ZNF595: variants seen among roughly 807,000 people sequenced by gnomAD.
The protein encoded by ZNF595 is zinc finger protein 595.
A neutral mutation model predicts 19.4 loss-of-function variants in ZNF595; 9 were observed. That is an observed-to-expected ratio of 0.46 (90% CI 0.28 to 0.81). The LOEUF (loss-of-function observed/expected upper bound fraction) is 0.81. ZNF595 is among the 30% of genes least tolerant of loss of function. The pLI is 0.11. For missense variants in ZNF595, 729 were observed against 736.0 expected (o/e 0.99, Z 0.11); for synonymous variants, 255 against 255.9 (o/e 1.00, Z 0.03).
intron 3 of ZNF595, among the ~76,000 whole-genome samples, chr4:70,458 C>G (rs1183399446): frequency 3.9e-5 from 6 of 151,994 alleles, no homozygotes; most frequent in Non-Finnish European, 7.4e-5. Flanking sequence ...CCACCTCAGC[C>G]TCTGGAGTAG....
intron 3 of ZNF595, among the ~76,000 whole-genome samples, chr4:79,265 C>G (rs1297645956): frequency 6.6e-6 from 1 of 152,080 alleles, no homozygotes; most frequent in Non-Finnish European, 1.5e-5. Context: ...TAAGATGTGT[C>G]AGAATATCCT....
At chr4:78,070 G>A (rs1391575021) in intron 3 of ZNF595, among the ~76,000 whole-genome samples, 4 of 152,106 alleles carry the variant, frequency 2.6e-5, no homozygotes, top group Non-Finnish European at 2.9e-5. Context: ...GTGCAGTGGC[G>A]CGATCTCGGC....
chr4:68,899 C>T lies in ZNF595; in HGVS notation c.226+8746C>T, dbSNP rs1177259329. 2.6e-5 allele frequency among the ~76,000 whole-genome samples: 4 copies of T among 152,184 alleles called. No homozygotes were observed. The East Asian group carries it at 7.7e-4, about 29-fold the overall frequency. Reference sequence around the variant, plus strand: ...TTAACCTTCCCCACTTCCCCTGAACCCCTCACTATACTTTCCAGCCTCTGA... The same window carrying T: ...TTAACCTTCCCCACTTCCCCTGAACTCCTCACTATACTTTCCAGCCTCTGA... On this transcript the variant is annotated intron_variant, in intron 3 of 3. Transcript: ENST00000610261.
chr4:77,901 A>G (rs1713739961), intron 3 of ZNF595, among the ~76,000 whole-genome samples: 1 of 152,158 alleles, frequency 6.6e-6, no homozygotes, highest in Non-Finnish European at 1.5e-5. Flanking sequence ...ACAGGCTCCT[A>G]GATGAGCAGT....
intron 3 of ZNF595, among the ~76,000 whole-genome samples, chr4:76,648 C>A (rs928144902): frequency 6.6e-6 from 1 of 152,096 alleles, no homozygotes; most frequent in Non-Finnish European, 1.5e-5. Flanking sequence ...ATTTCCTCAA[C>A]TTGTTTAATC....
At chr4:80,116 A>C (rs975183353) in intron 3 of ZNF595, among the ~76,000 whole-genome samples, 19 of 152,198 alleles carry the variant, frequency 1.2e-4, no homozygotes, top group Admixed American at 3.9e-4. Context: ...TCCGCCTCCC[A>C]GGTTCAAGCA....
At chr4:69,830 C>G (rs1485509359) in intron 3 of ZNF595, among the ~76,000 whole-genome samples, 1 of 152,122 alleles carries the variant, frequency 6.6e-6, no homozygotes, top group Non-Finnish European at 1.5e-5. Flanking sequence ...GGGTATTATT[C>G]AAGACATTTT....
rs566777147 is a variant in ZNF595, at chr4:86,527, A to G, written c.1023A>G (p.Thr341=). 8.1e-6 allele frequency: 13 copies of G among 1,613,560 alleles called. No homozygotes were observed. The African/African-American group carries it at 1.3e-4, about 17-fold the overall frequency. ...KNIHTGEKPY[T]CEKCGKAFNQ... is the part of the protein sequence containing the mutation. ...TTCATACTGGCGAAAAACCCTACAC[A>G]TGTGAAAAATGTGGCAAAGCTTTTA... Residue 341 remains threonine (T), a synonymous_variant, in exon 4 of 4, where the codon ACA becomes ACG. Transcript: ENST00000610261.
intron 3 of ZNF595, among the ~76,000 whole-genome samples, chr4:84,530 C>A (rs1714054342): frequency 6.6e-6 from 1 of 152,082 alleles, no homozygotes; most frequent in African/African-American, 2.4e-5. Flanking sequence ...ATCACAATTC[C>A]CTCTTGTCTA....
At chr4:75,307 C>T (rs1403248968) in intron 3 of ZNF595, among the ~76,000 whole-genome samples, 1 of 152,122 alleles carries the variant, frequency 6.6e-6, no homozygotes, top group Admixed American at 6.6e-5. Flanking sequence ...CCAGGAAGTC[C>T]AAGAGCATGC....
At position 87,981 on chromosome 4, in the gene ZNF595, A is replaced by G. The variant is rs1285304890; in HGVS notation, c.*530A>G. 1 of 152,042 alleles carries G rather than the reference A, an allele frequency of 6.6e-6. No homozygotes were observed. The highest frequency in any genetic ancestry group is 6.6e-5 in the Admixed American group (1 of 15,252). The allele number at this position is 152,042 out of a possible 1,614,324, so 9.4% of individuals were successfully genotyped here. Reference sequence around the variant, plus strand: ...ATGATCCACCCACCTCGGCCTCCCAAAGTGCTGGGATTACGGGTGTGAGCC... The same window carrying G: ...ATGATCCACCCACCTCGGCCTCCCAGAGTGCTGGGATTACGGGTGTGAGCC... On this transcript the variant is annotated 3_prime_UTR_variant, in exon 4 of 4. Coordinates refer to ENST00000610261, the MANE Select transcript of ZNF595 (RefSeq NM_182524.4).
intron 3 of ZNF595, among the ~76,000 whole-genome samples, chr4:71,507 G>C (rs967739965): frequency 2.6e-5 from 4 of 151,976 alleles, no homozygotes; most frequent in Non-Finnish European, 4.4e-5. Context: ...GTCTTTTCCT[G>C]GTCCTAGGTT....
intron 3 of ZNF595, among the ~76,000 whole-genome samples, chr4:81,373 T>C (rs1713901877): frequency 6.6e-6 from 1 of 152,220 alleles, no homozygotes; most frequent in South Asian, 2.1e-4. Context: ...TCTGTTTGTA[T>C]ACAATGGTGA....
In ZNF595 at chr4:77,199, T is replaced by C. The variant is rs373695606; in HGVS notation, c.227-8532T>C. Among the ~76,000 whole-genome samples, 6 of 152,182 alleles carry C rather than the reference T, an allele frequency of 3.9e-5. No individual in the cohort carries two copies. The East Asian group carries it at 1.2e-3, about 29-fold the overall frequency. On this transcript the variant is annotated intron_variant, in intron 3 of 3. Transcript: ENST00000610261. ...TTTAACTTTGCTGACTTTTTTTCTG[T>C]ATAACTGTCTCCTGTTAAAGCTTTC...
chr4:87,130 C>T lies in ZNF595; in HGVS notation c.1626C>T (p.Gly542=). The T allele has an allele frequency of 6.2e-7, 1 of 1,614,010 alleles. No homozygotes were observed. The highest frequency in any genetic ancestry group is 8.5e-7 in the Non-Finnish European group (1 of 1,179,942). Residue 542 remains glycine (G), a synonymous_variant, in exon 4 of 4, where the codon GGC becomes GGT. Transcript: ENST00000610261. ...AACTTTACAAATGTGAAGAATGTGG[C>T]AAAGCCTTTACTCGGTCCACAGCCC... ...EQKLYKCEEC[G]KAFTRSTALN...
At position 82,925 on chromosome 4, in the gene ZNF595, ATTCTT is replaced by A. The variant is rs1462414965; in HGVS notation, c.227-2801_227-2797del. Among the ~76,000 whole-genome samples, 3 of 152,198 alleles carry A rather than the reference ATTCTT, an allele frequency of 2.0e-5. No individual in the cohort carries two copies. In the East Asian group the frequency reaches 5.8e-4, roughly 29 times the overall value. On this transcript the variant is annotated intron_variant, in intron 3 of 3. Coordinates refer to ENST00000610261, the MANE Select transcript of ZNF595 (RefSeq NM_182524.4). ...TTTGAAGTCTTCTATTTCCTTGAGT[ATTCTT>A]TTCTGATTATTCATTACAGAAATTG...
At chr4:84,559 A>G (rs1714055279) in intron 3 of ZNF595, among the ~76,000 whole-genome samples, 1 of 152,190 alleles carries the variant, frequency 6.6e-6, no homozygotes, top group South Asian at 2.1e-4. Context: ...TTGTTGACAG[A>G]TTCACTGGTT....
At chr4:77,868 A>G in intron 3 of ZNF595, among the ~76,000 whole-genome samples, 1 of 152,258 alleles carries the variant, frequency 6.6e-6, no homozygotes, top group South Asian at 2.1e-4. Context: ...GGATGTTTCA[A>G]AATGCTCTAA....
At chr4:74,163 A>C (rs2108756270) in intron 3 of ZNF595, among the ~76,000 whole-genome samples, 1 of 151,976 alleles carries the variant, frequency 6.6e-6, no homozygotes. Context: ...AAAAAAAATT[A>C]GCTTGGCAAG....
Sources: allele counts gnomAD v4.1 joint callset (sites outside exome capture counted in the v4.1 genomes callset), GRCh38; gene constraint gnomAD v4.1.1; transcripts MANE v1.5; gene names NCBI Gene and HGNC (gene_info 2026-07-23, HGNC 2026-07-21).